ZER1: variants seen among roughly 807,000 people sequenced by gnomAD.
The protein encoded by ZER1 is zyg-11 related cell cycle regulator, also known as protein zer-1 homolog.
In ZER1, 11 loss-of-function variants were observed where a neutral mutation model predicts 78.8. The ratio of observed to expected loss-of-function variants is 0.14; its 90% confidence interval spans 0.09 to 0.23. The LOEUF is 0.23. ZER1 is among the 10% of genes least tolerant of loss of function. ZER1 has a pLI of 1.00. For missense variants in ZER1, 588 were observed against 996.9 expected (o/e 0.59, Z 5.52); for synonymous variants, 400 against 407.0 (o/e 0.98, Z 0.21).
At chr9:128,745,335 C>G (rs1473131987) in intron 8 of ZER1, among the ~76,000 whole-genome samples, 2 of 151,444 alleles carry the variant, frequency 1.3e-5, no homozygotes, top group African/African-American at 4.9e-5. Context: ...TACAGGCGCA[C>G]ATCACCACAT....
intron 15 of ZER1, 61 bp downstream of exon 15, chr9:128,733,365 C>T (rs1358364455): frequency 1.8e-5 from 27 of 1,485,604 alleles, no homozygotes; most frequent in African/African-American, 2.8e-5. Flanking sequence ...AGAGGGCGCC[C>T]GCTATGCCCT....
intron 1 of ZER1, among the ~76,000 whole-genome samples, chr9:128,757,220 A>G (rs1863886171): frequency 6.6e-6 from 1 of 152,196 alleles, no homozygotes; most frequent in African/African-American, 2.4e-5. Flanking sequence ...TCTGTTCATC[A>G]AAAGTTACCA....
intron 1 of ZER1, among the ~76,000 whole-genome samples, chr9:128,765,212 TACACACACACACACACACAC>T (rs60923356): frequency 2.0e-5 from 3 of 149,702 alleles, no homozygotes; most frequent in African/African-American, 7.3e-5. Context: ...CATGCACATG[TACACACACACACACACACAC>T]ACACACACAC....
chr9:128,739,894 T>A (rs1280261540), intron 13 of ZER1, 37 bp downstream of exon 13: 2 of 1,585,190 alleles, frequency 1.3e-6, no homozygotes, highest in South Asian at 2.2e-5. Flanking sequence ...TTACCCCATA[T>A]TCCACACCGC....
chr9:128,762,351 G>A (rs1864078506), intron 1 of ZER1, among the ~76,000 whole-genome samples: 1 of 152,174 alleles, frequency 6.6e-6, no homozygotes, highest in African/African-American at 2.4e-5. Flanking sequence ...GGCACACTGG[G>A]CTTTGGAATC....
In ZER1 at chr9:128,751,071, A is replaced by G; in HGVS notation, c.1185+51T>C. ...GGACACGGCTCAGCCAAGCCCGGCAACCTCCAGGTGGGGAGGGACAGGAGG... is the reference window on the plus strand; with the variant it reads ...GGACACGGCTCAGCCAAGCCCGGCAGCCTCCAGGTGGGGAGGGACAGGAGG... On this transcript the variant is annotated intron_variant, in intron 7 of 15. Transcript: ENST00000291900. The surrounding 1 kb of genome is among the most constrained non-coding windows in gnomAD (Gnocchi z 5.4). The G allele has an allele frequency of 6.5e-7, 1 of 1,540,080 alleles. No individual in the cohort carries two copies. Among genetic ancestry groups the G allele is most frequent in the Non-Finnish European group, 8.8e-7 (1 of 1,140,414 alleles).
chr9:128,741,938 T>TAG, intron 9 of ZER1, 97 bp from the exon 10 acceptor site: 1 of 1,502,718 alleles, frequency 6.7e-7, no homozygotes, highest in Non-Finnish European at 9.3e-7. Context: ...ACGCCATGGC[T>TAG]AGTTCAGGAG....
intron 1 of ZER1, among the ~76,000 whole-genome samples, chr9:128,764,958 C>G (rs58452740): frequency 4.6e-5 from 7 of 152,090 alleles, no homozygotes; most frequent in Non-Finnish European, 1.0e-4. Flanking sequence ...AAAAACAGCA[C>G]CAGCAGCAGC....
rs1048253726 is a variant in ZER1 at position 128,750,846 on chromosome 9, G to T, written c.1186-57C>A. 4 of 1,601,828 alleles carry T rather than the reference G, an allele frequency of 2.5e-6. No homozygotes were observed. The East Asian group carries it at 8.9e-5, about 36-fold the overall frequency. On this transcript the variant is annotated intron_variant, in intron 7 of 15. Transcript: ENST00000291900. ...AAGTGCAGGGAGAGGCCTGGGCTCT[G>T]CAAGGGGCTGGAACAGGCTCTCTGG... is the stretch of plus-strand genomic sequence containing the variant.
intron 1 of ZER1, among the ~76,000 whole-genome samples, chr9:128,759,656 G>C (rs1391603026): frequency 1.3e-5 from 2 of 151,926 alleles, no homozygotes; most frequent in African/African-American, 2.4e-5. Flanking sequence ...TTAGCCGGGC[G>C]TGGTGGCACG....
At position 128,765,172 on chromosome 9, in the gene ZER1, A is replaced by C. The variant is rs1864166819; in HGVS notation, c.-95+6409T>G. Among the ~76,000 whole-genome samples, 4 of 152,122 alleles carry C rather than the reference A, an allele frequency of 2.6e-5. No individual in the cohort carries two copies. In the South Asian group the frequency reaches 8.3e-4, roughly 31 times the overall value. On this transcript the variant is annotated intron_variant, in intron 1 of 15. Transcript: ENST00000291900. Reference sequence around the variant, plus strand: ...CTGCCTGTGAGCTCTGGGAGGACAGAAGCTGTATGCTTGCTTGCATGCCTG... The same window carrying C: ...CTGCCTGTGAGCTCTGGGAGGACAGCAGCTGTATGCTTGCTTGCATGCCTG...
In ZER1 at chr9:128,729,906, C is replaced by G. The variant is rs1009778118; in HGVS notation, c.*1431G>C. ...CCAGGGTCTGGCCGGGGCCGCTGAG[C>G]GTGGGAAGGAAGGGAGCGCCGCATG... is the stretch of plus-strand genomic sequence containing the variant. On this transcript the variant is annotated 3_prime_UTR_variant, in exon 16 of 16. Transcript: ENST00000291900. The G allele has an allele frequency of 6.5e-6, 1 of 152,700 alleles. No individual in the cohort carries two copies. Among genetic ancestry groups the G allele is most frequent in the South Asian group, 2.1e-4 (1 of 4,834 alleles). The allele number at this position is 152,700 out of a possible 1,614,324, so 9.5% of individuals were successfully genotyped here.
In ZER1 at chr9:128,741,643, G is replaced by A; in HGVS notation, c.1629C>T (p.Val543=). ...KKLLDKTCDQ[V]MEFSWSALWN... ...ACAGGGCACTCCAGGAGAACTCCATGACCTGGTCACACTGTGAGGGCAGGG... is the reference window on the plus strand; with the variant it reads ...ACAGGGCACTCCAGGAGAACTCCATAACCTGGTCACACTGTGAGGGCAGGG... The change falls in exon 11 of 16, where the codon GTC becomes GTT. Residue 543 remains valine, a synonymous_variant. Transcript: ENST00000291900. 6.2e-7 allele frequency: 1 copy of A among 1,614,196 alleles called. No individual in the cohort carries two copies.
chr9:128,733,559 A>G, intron 14 of ZER1, 31 bp from the exon 15 acceptor site: 1 of 1,593,290 alleles, frequency 6.3e-7, no homozygotes, highest in Middle Eastern at 1.8e-4. Context: ...GCAGAGGATC[A>G]GGATGGGTCT....
At position 128,753,246 on chromosome 9, in the gene ZER1, C is replaced by G; in HGVS notation, c.664G>C (p.Asp222His). The G allele has an allele frequency of 4.4e-6, 7 of 1,596,704 alleles. No individual in the cohort carries two copies. The highest frequency in any genetic ancestry group is 6.0e-6 in the Non-Finnish European group (7 of 1,171,716). The change falls in exon 4 of 16, where the codon GAC becomes CAC. Residue 222 changes from aspartate (D) to histidine (H), a missense_variant. Coordinates refer to ENST00000291900, the MANE Select transcript of ZER1 (RefSeq NM_006336.4). This position sits in a 1 kb window ranked among gnomAD's most constrained non-coding sequence, Gnocchi z 7.5. Reference sequence around the variant, plus strand: ...TAGAGGACGAGGGACACCAGGCTGTCTTTCCACTGGGTGAGGAAGGCGGCG... The same window carrying G: ...TAGAGGACGAGGGACACCAGGCTGTGTTTCCACTGGGTGAGGAAGGCGGCG... ...SDAAFLTQWK[D>H]SLVSLVLYNM...
chr9:128,739,893 A>G (rs1863230691), intron 13 of ZER1, 38 bp downstream of exon 13: 1 of 1,584,128 alleles, frequency 6.3e-7, no homozygotes, highest in Non-Finnish European at 8.6e-7. Context: ...CTTACCCCAT[A>G]TTCCACACCG....
Position 128,741,830 on chromosome 9 carries a change from C to T in ZER1, c.1587G>A (p.Lys529=), listed in dbSNP as rs1357509101. 2 of 1,614,218 alleles carry T rather than the reference C, an allele frequency of 1.2e-6. No homozygotes were observed. Among genetic ancestry groups the T allele is most frequent in the Admixed American group, 3.3e-5 (2 of 60,028 alleles). ...GKMGFVVTML[K]LIQKKLLDKT... ...TGTCCAGCAGCTTCTTCTGAATCAG[C>T]TTCAGCATGGTCTGCAGGCAGGGAC... is the stretch of plus-strand genomic sequence containing the variant. Residue 529 remains lysine, a synonymous_variant, in exon 10 of 16, where the codon AAG becomes AAA. Transcript: ENST00000291900.
At chr9:128,752,587 C>T (rs774115692) in intron 5 of ZER1, 86 bp downstream of exon 5, 29 of 1,421,378 alleles carry the variant, frequency 2.0e-5, no homozygotes, top group Non-Finnish European at 2.7e-5. Flanking sequence ...TCCCAAAGTG[C>T]TGGGATTACA....
intron 15 of ZER1, among the ~76,000 whole-genome samples, chr9:128,731,685 A>G (rs553838352): frequency 2.0e-4 from 30 of 152,206 alleles, no homozygotes; most frequent in African/African-American, 7.0e-4. Flanking sequence ...TCCCCAAATC[A>G]GCTCAGGCCC....
Sources: allele counts gnomAD v4.1 joint callset (sites outside exome capture counted in the v4.1 genomes callset), GRCh38; gene constraint gnomAD v4.1.1; non-coding constraint Gnocchi (gnomAD v3.1); transcripts MANE v1.5; gene names NCBI Gene and HGNC (gene_info 2026-07-23, HGNC 2026-07-21).